BUD23: variants seen among roughly 807,000 people sequenced by gnomAD.
The protein encoded by BUD23 is BUD23 rRNA methyltransferase and ribosome maturation factor.
Under a neutral mutation model 47.0 loss-of-function variants are expected in BUD23, and 34 were observed. The ratio of observed to expected loss-of-function variants is 0.72; its 90% CI spans 0.55 to 0.96. The LOEUF (loss-of-function observed/expected upper bound fraction) is 0.96. Ranked by LOEUF, BUD23 falls within the 40% of genes least tolerant of loss-of-function variation. BUD23 has a pLI of 0.00. For synonymous variants in BUD23, 124 were observed against 132.0 expected, an observed-to-expected ratio of 0.94 and a Z score of 0.41; for missense variants, 343 against 361.2, an observed-to-expected ratio of 0.95 and a Z score of 0.41.
Position 73,697,864 on chromosome 7 carries a change from G to C in BUD23, c.824G>C (p.Arg275Pro), listed in dbSNP as rs782800257. ...AGACCTGACACCCAGTACACCGGCC[G>C]CAAGCGCAAGCCCCGCTTCTAAGTC... is the stretch of plus-strand genomic sequence containing the variant. ...EVRPDTQYTG[R>P]KRKPRF Residue 275 changes from arginine (R) to proline (P), a missense_variant, in exon 12 of 12, where the codon CGC (arginine) becomes CCC (proline). Coordinates refer to ENST00000265758, the MANE Select transcript of BUD23 (RefSeq NM_017528.5). The C allele has an allele frequency of 6.2e-7, 1 of 1,613,728 alleles. No individual in the cohort carries two copies.
intron 5 of BUD23, among the ~76,000 whole-genome samples, chr7:73,690,463 A>G (rs2116688464): frequency 6.6e-6 from 1 of 152,254 alleles, no homozygotes; most frequent in East Asian, 1.9e-4. Flanking sequence ...GTGTGTGGGC[A>G]GACAGCCTTG....
intron 5 of BUD23, among the ~76,000 whole-genome samples, 167 bp from the exon 6 acceptor site, chr7:73,690,749 G>A (rs552903342): frequency 6.6e-6 from 1 of 152,116 alleles, no homozygotes; most frequent in Non-Finnish European, 1.5e-5. Context: ...GGGATTACAG[G>A]GCGTTGAACC....
chr7:73,694,323 T>C (rs1798312242), intron 10 of BUD23: 2 of 395,690 alleles, frequency 5.1e-6, no homozygotes, highest in Non-Finnish European at 9.0e-6. Context: ...GCTGTCTCCT[T>C]CTTTTCTGAT....
At position 73,697,659 on chromosome 7, in the gene BUD23, G is replaced by A; in HGVS notation, c.756G>A (p.Val252=). 3 of 1,613,682 alleles carry A rather than the reference G, an allele frequency of 1.9e-6. No homozygotes were observed. The highest frequency in any genetic ancestry group is 2.5e-6 in the Non-Finnish European group (3 of 1,179,942). The part of the protein sequence containing the change: ...RGMVRKSRAW[V]LEKKERHRRQ... ...TGGTGAGGAAGAGTCGGGCATGGGT[G>A]CTGGAGAAGAAGGAGCGGCACAGGC... The change falls in exon 11 of 12, where the codon GTG becomes GTA. Residue 252 remains valine, a synonymous_variant. Transcript: ENST00000265758.
Position 73,693,616 on chromosome 7 carries a change from C to T in BUD23, c.597-8C>T. The T allele has an allele frequency of 4.3e-6, 7 of 1,614,196 alleles. No individual in the cohort carries two copies. Among genetic ancestry groups the T allele is most frequent in the Non-Finnish European group, 5.1e-6 (6 of 1,180,020 alleles). The stretch of plus-strand genomic sequence containing the variant: ...ACCCAACCCTCACTTTGCACTTTCT[C>T]CTTTCAGATTCTACCTCTGCTTGTT... On this transcript the variant is annotated splice_region_variant and splice_polypyrimidine_tract_variant and intron_variant, in intron 8 of 11. Coordinates refer to ENST00000265758, the MANE Select transcript of BUD23 (RefSeq NM_017528.5).
chr7:73,685,127 G>A (rs1797912269), intron 2 of BUD23, among the ~76,000 whole-genome samples: 1 of 151,552 alleles, frequency 6.6e-6, no homozygotes, highest in African/African-American at 2.4e-5. Context: ...GGCCAGCATG[G>A]TGAAATCCCG....
intron 2 of BUD23, among the ~76,000 whole-genome samples, chr7:73,684,504 T>C (rs561040631): frequency 6.6e-6 from 1 of 150,826 alleles, no homozygotes; most frequent in Non-Finnish European, 1.5e-5. Context: ...TCTCGCTGTG[T>C]TGCCCAAGGT....
At position 73,698,138 on chromosome 7, in the gene BUD23, A is replaced by G. The variant is rs797044306; in HGVS notation, c.*252A>G. 2,520 of 198,824 alleles carry G rather than the reference A, an allele frequency of 0.013. 100 individuals carry two copies. Among genetic ancestry groups the G allele is most frequent in the African/African-American group, 0.057 (2,244 of 39,414 alleles). The allele number at this position is 198,824 out of a possible 1,614,324, so 12.3% of individuals were successfully genotyped here. ...TAATGAAACTTCCTTTCCAGGGAGG[A>G]AAAAAAAAAAAAAAAAAAGCTCTGA... On this transcript the variant is annotated 3_prime_UTR_variant, in exon 12 of 12. Transcript: ENST00000265758.
intron 10 of BUD23, 75 bp from the exon 11 acceptor site, chr7:73,697,530 G>A (rs782316926): frequency 1.2e-6 from 2 of 1,609,214 alleles, no homozygotes; most frequent in African/African-American, 1.3e-5. Flanking sequence ...AGCTTGCCAT[G>A]GATTCACATG....
In BUD23 at chr7:73,697,200, G is replaced by GC; in HGVS notation, c.702-400dup. On this transcript the variant is annotated intron_variant, in intron 10 of 11. Transcript: ENST00000265758. Reference sequence around the variant, plus strand: ...CCCTCCTTTCCATCCCTGTCTTCCTGCCCCCAAGCTGTGGGACCCTAAGCT... The same window carrying GC: ...CCCTCCTTTCCATCCCTGTCTTCCTGCCCCCCAAGCTGTGGGACCCTAAGCT... The GC allele has an allele frequency of 5.9e-6, 3 of 509,712 alleles. No individual in the cohort carries two copies. The South Asian group carries it at 6.8e-5, about 12-fold the overall frequency. 31.6% of individuals were successfully genotyped at this position (509,712 alleles called of 1,614,324 possible). A position where few individuals can be genotyped will look rare whatever the true frequency, so the allele number is the denominator to read the frequency against.
intron 6 of BUD23, among the ~76,000 whole-genome samples, chr7:73,691,311 G>A (rs1167362206): frequency 2.6e-5 from 4 of 152,242 alleles, no homozygotes; most frequent in Middle Eastern, 3.4e-3. Flanking sequence ...TGTCTATTGC[G>A]CTGAGTTTTA....
intron 7 of BUD23, 40 bp downstream of exon 7, chr7:73,692,686 G>A (rs781996443): frequency 7.6e-6 from 12 of 1,589,158 alleles, no homozygotes; most frequent in Middle Eastern, 1.7e-4. Context: ...GGAGTTGGGG[G>A]ACTCAACAGG....
rs1554615190 is a variant in BUD23 at position 73,697,870 on chromosome 7, G to A, written c.830G>A (p.Arg277His). 2.5e-6 allele frequency: 4 copies of A among 1,613,778 alleles called. No homozygotes were observed. In the South Asian group the frequency reaches 3.3e-5, roughly 13 times the overall value. Residue 277 changes from arginine to histidine, a missense_variant, in exon 12 of 12, where the codon CGC becomes CAC. Transcript: ENST00000265758. ...RPDTQYTGRK[R>H]KPRF Reference sequence around the variant, plus strand: ...GACACCCAGTACACCGGCCGCAAGCGCAAGCCCCGCTTCTAAGTCACCACG... The same window carrying A: ...GACACCCAGTACACCGGCCGCAAGCACAAGCCCCGCTTCTAAGTCACCACG...
At position 73,691,126 on chromosome 7, in the gene BUD23, G is replaced by A. The variant is rs149562035; in HGVS notation, c.459+114G>A. ...ATGGGTAAGCTACTCATATGGGACCGCATGGGGTGGCAGGACCTTACTGTG... is the reference window on the plus strand; with the variant it reads ...ATGGGTAAGCTACTCATATGGGACCACATGGGGTGGCAGGACCTTACTGTG... On this transcript the variant is annotated intron_variant, in intron 6 of 11. Transcript: ENST00000265758. 144 of 852,652 alleles carry A rather than the reference G, an allele frequency of 1.7e-4. 1 individual carries two copies. Among genetic ancestry groups the A allele is most frequent in the Non-Finnish European group, 2.6e-4 (134 of 521,068 alleles). The allele number at this position is 852,652 out of a possible 1,614,324, so 52.8% of individuals were successfully genotyped here. A position where few individuals can be genotyped will look rare whatever the true frequency, so the allele number is the denominator to read the frequency against.
At position 73,689,388 on chromosome 7, in the gene BUD23, C is replaced by T. The variant is rs113229370; in HGVS notation, c.363-1528C>T. ...TTTTAAACATTTGCTACATGTAAGG[C>T]GTACAAGGTGCTGTGGAGTACAGGG... On this transcript the variant is annotated intron_variant, in intron 5 of 11. Coordinates refer to ENST00000265758, the MANE Select transcript of BUD23 (RefSeq NM_017528.5). Among the ~76,000 whole-genome samples, 905 of 151,482 alleles carry T rather than the reference C, an allele frequency of 6.0e-3. 7 individuals carry two copies. The highest frequency in any genetic ancestry group is 0.019 in the African/African-American group (799 of 41,210).
chr7:73,683,915 A>G (rs1797830683), intron 2 of BUD23, 111 bp downstream of exon 2: 1 of 1,603,734 alleles, frequency 6.2e-7, no homozygotes. Context: ...CGGGAAGGGA[A>G]GGACCCGGGT....
At chr7:73,688,688 G>C (rs1303687878) in intron 5 of BUD23, among the ~76,000 whole-genome samples, 2 of 152,222 alleles carry the variant, frequency 1.3e-5, no homozygotes. Context: ...TTCTTAGGCT[G>C]CTGTGATCAG....
Position 73,686,888 on chromosome 7 carries a change from C to A in BUD23, c.253C>A (p.Pro85Thr). 1.2e-6 allele frequency: 2 copies of A among 1,614,168 alleles called. No homozygotes were observed. The highest frequency in any genetic ancestry group is 1.7e-6 in the Non-Finnish European group (2 of 1,180,036). ...GHYWVGLDIS[P>T]AMLDEAVDRE... ...CTATTGGGTGGGCCTGGATATCAGC[C>A]CTGCCATGCTGGGTAAGTATGTCCT... Residue 85 changes from proline (P) to threonine (T), a missense_variant, in exon 4 of 12, where the codon CCT becomes ACT. Pro to Thr is a conservative substitution (Grantham distance 38, BLOSUM62 -1). Transcript: ENST00000265758.
Position 73,697,682 on chromosome 7 carries a change from G to A in BUD23, c.779G>A (p.Arg260Lys). 3.1e-6 allele frequency: 5 copies of A among 1,613,592 alleles called. No individual in the cohort carries two copies. Among genetic ancestry groups the A allele is most frequent in the Non-Finnish European group, 4.2e-6 (5 of 1,179,894 alleles). Reference sequence around the variant, plus strand: ...GTGCTGGAGAAGAAGGAGCGGCACAGGCGCCAGGGCAGGTGAGTGCCAGCC... The same window carrying A: ...GTGCTGGAGAAGAAGGAGCGGCACAAGCGCCAGGGCAGGTGAGTGCCAGCC... ...AWVLEKKERH[R>K]RQGREVRPDT... is the part of the protein sequence containing the mutation. Residue 260 changes from arginine (R) to lysine (K), a missense_variant, in exon 11 of 12, where the codon AGG becomes AAG. Arg to Lys is a conservative substitution (Grantham distance 26, BLOSUM62 2). Transcript: ENST00000265758.
Sources: gnomAD v4.1 joint callset for allele counts (sites outside exome capture counted in the v4.1 genomes callset) on GRCh38, gnomAD v4.1.1 for gene constraint, MANE v1.5 for transcripts, NCBI Gene and HGNC (gene_info 2026-07-23, HGNC 2026-07-21) for gene names.